The following MAP3K1 variants were observed in gnomAD, a reference collection of about 807,000 sequenced individuals.
The protein encoded by MAP3K1 is MAP/ERK kinase kinase 1.
In MAP3K1, 36 loss-of-function variants were observed where a neutral mutation model predicts 144.2. The observed-to-expected ratio is 0.25, with a 90% CI of 0.19 to 0.33. The LOEUF is 0.33. MAP3K1 is among the 10% of genes least tolerant of loss of function. The probability of loss-of-function intolerance (pLI) is 1.00; values close to 1 mark genes in which losing one functional copy is unlikely to be tolerated. For missense variants in MAP3K1, 1,650 were observed against 1,881.9 expected (o/e 0.88, Z 2.28); for synonymous variants, 718 against 688.7 (o/e 1.04, Z -0.67).
At chr5:56,833,310 T>A (rs1417082629) in intron 1 of MAP3K1, among the ~76,000 whole-genome samples, 1 of 152,242 alleles carries the variant, frequency 6.6e-6, no homozygotes, top group Non-Finnish European at 1.5e-5. Context: ...TGTTAATACA[T>A]ACATTTTTTT....
rs1288177952 is a variant in MAP3K1, at chr5:56,875,215, C to G, written c.1870C>G (p.Gln624Glu). The G allele has an allele frequency of 6.2e-7, 1 of 1,614,098 alleles. No individual in the cohort carries two copies. The highest frequency in any genetic ancestry group is 8.5e-7 in the Non-Finnish European group (1 of 1,179,992). The change falls in exon 10 of 20, where the codon CAG (glutamine) becomes GAG (glutamate). Residue 624 changes from glutamine to glutamate, a missense_variant. Physicochemically the swap from Gln to Glu is conservative, Grantham distance 29. Coordinates refer to ENST00000399503, the MANE Select transcript of MAP3K1 (RefSeq NM_005921.2). Reference sequence around the variant, plus strand: ...TGGGGGAGCCACCAGTGGGTCTTCCCAGACCAGTATCTCAGGAGATGTGGT... The same window carrying G: ...TGGGGGAGCCACCAGTGGGTCTTCCGAGACCAGTATCTCAGGAGATGTGGT... ...PSGGATSGSSQTSISGDVVEA... is the reference protein window; with the variant it reads ...PSGGATSGSSETSISGDVVEA...
Position 56,819,889 on chromosome 5 carries a change from G to C in MAP3K1, c.482+3834G>C, listed in dbSNP as rs913284798. Among the ~76,000 whole-genome samples the C allele has an allele frequency of 2.6e-5, 4 of 152,316 alleles. No homozygotes were observed. In the South Asian group the frequency reaches 8.3e-4, roughly 32 times the overall value. ...GTAGACTATTAATGTGAGGAAATGT[G>C]TAAGATTAGGAGTAACCCAAAGTTG... On this transcript the variant is annotated intron_variant, in intron 1 of 19. Transcript: ENST00000399503.
intron 3 of MAP3K1, among the ~76,000 whole-genome samples, chr5:56,861,909 C>G (rs961609418): frequency 1.3e-5 from 2 of 151,652 alleles, no homozygotes; most frequent in African/African-American, 4.9e-5. Context: ...TTTTTAAGAT[C>G]TGGAGTTATT....
chr5:56,883,875 G>A (rs572552178), intron 15 of MAP3K1, among the ~76,000 whole-genome samples, 196 bp downstream of exon 15: 2 of 152,278 alleles, frequency 1.3e-5, no homozygotes, highest in East Asian at 1.9e-4. Flanking sequence ...GAGGCCACGC[G>A]TGGTGGCTCA....
At position 56,859,659 on chromosome 5, in the gene MAP3K1, A is replaced by G. The variant is rs942562440; in HGVS notation, c.634-56A>G. 5 of 1,307,846 alleles carry G rather than the reference A, an allele frequency of 3.8e-6. No individual in the cohort carries two copies. The African/African-American group carries it at 7.4e-5, about 19-fold the overall frequency. 81.0% of individuals were successfully genotyped at this position (1,307,846 alleles called of 1,614,324 possible). A position where few individuals can be genotyped will look rare whatever the true frequency, so the allele number is the denominator to read the frequency against. On this transcript the variant is annotated intron_variant, in intron 2 of 19. Transcript: ENST00000399503. ...GTATTTCCTAGTCTATGATATTTACATTTACTTACCTTTTATATTTTTAAG... is the reference window on the plus strand; with the variant it reads ...GTATTTCCTAGTCTATGATATTTACGTTTACTTACCTTTTATATTTTTAAG...
At chr5:56,839,761 T>TG (rs1161424194) in intron 1 of MAP3K1, among the ~76,000 whole-genome samples, 2 of 152,204 alleles carry the variant, frequency 1.3e-5, no homozygotes, top group African/African-American at 4.8e-5. Flanking sequence ...GGACCCAGAC[T>TG]GAGAGAATGT....
intron 1 of MAP3K1, among the ~76,000 whole-genome samples, chr5:56,825,772 G>A (rs1284847369): frequency 6.6e-6 from 1 of 152,112 alleles, no homozygotes; most frequent in Admixed American, 6.5e-5. Context: ...TGCCATGACT[G>A]CTAACCCAGG....
chr5:56,816,200 C>T, intron 1 of MAP3K1, 145 bp downstream of exon 1: 2 of 855,764 alleles, frequency 2.3e-6, no homozygotes, highest in Non-Finnish European at 3.0e-6. Flanking sequence ...CCTGAGCACC[C>T]CCCGACCCCT....
intron 1 of MAP3K1, among the ~76,000 whole-genome samples, chr5:56,852,299 A>G (rs1747199707): frequency 6.6e-6 from 1 of 152,224 alleles, no homozygotes; most frequent in East Asian, 1.9e-4. Context: ...GAGTTAGCAC[A>G]ATCAACAGTG....
At chr5:56,854,420 T>TA in intron 1 of MAP3K1, among the ~76,000 whole-genome samples, 2 of 46,558 alleles carry the variant, frequency 4.3e-5, no homozygotes, top group Admixed American at 6.3e-4. Context: ...CAACAAGAGC[T>TA]AAACTCCATC....
chr5:56,847,362 C>G (rs1389575424), intron 1 of MAP3K1, among the ~76,000 whole-genome samples: 3 of 152,190 alleles, frequency 2.0e-5, no homozygotes, highest in Non-Finnish European at 4.4e-5. Flanking sequence ...TTCGGGAGGC[C>G]GAAGTGGGTG....
intron 6 of MAP3K1, among the ~76,000 whole-genome samples, chr5:56,869,911 G>A (rs1382170901): frequency 1.3e-5 from 2 of 152,056 alleles, no homozygotes; most frequent in Admixed American, 6.6e-5. Flanking sequence ...ATTAGGAAAA[G>A]AGATGGGCAG....
chr5:56,889,429 T>C (rs541164352), intron 19 of MAP3K1, among the ~76,000 whole-genome samples: 2 of 152,318 alleles, frequency 1.3e-5, no homozygotes, highest in Non-Finnish European at 2.9e-5. Context: ...CCCAAAGTAC[T>C]GGGATTACAG....
intron 1 of MAP3K1, among the ~76,000 whole-genome samples, chr5:56,830,204 C>T (rs1354218599): frequency 5.3e-5 from 8 of 152,064 alleles, no homozygotes; most frequent in East Asian, 1.9e-4. Flanking sequence ...CCCAGAATAC[C>T]GATAGATGTC....
chr5:56,843,296 C>T (rs1425671166), intron 1 of MAP3K1, among the ~76,000 whole-genome samples: 1 of 152,164 alleles, frequency 6.6e-6, no homozygotes, highest in Non-Finnish European at 1.5e-5. Context: ...CTGGCCATTG[C>T]CATCACCTCC....
chr5:56,893,195 G>A (rs947278399), intron 19 of MAP3K1, among the ~76,000 whole-genome samples: 8 of 152,056 alleles, frequency 5.3e-5, no homozygotes, highest in Non-Finnish European at 8.8e-5. Flanking sequence ...AAACCATCTC[G>A]GAGATTGAAT....
chr5:56,892,595 C>A (rs1229120134), intron 19 of MAP3K1, among the ~76,000 whole-genome samples: 5 of 152,056 alleles, frequency 3.3e-5, no homozygotes. Context: ...TCATAGCTAG[C>A]TAAATGATCA....
In MAP3K1 at chr5:56,835,413, A is replaced by G. The variant is rs370141573; in HGVS notation, c.482+19358A>G. On this transcript the variant is annotated intron_variant, in intron 1 of 19. Transcript: ENST00000399503. ...AAGAGGAGACAAGGAGGCAGGGAAG[A>G]GTTGACAGGAAGGCAGGGAAGAGGA... Among the ~76,000 whole-genome samples the G allele has an allele frequency of 5.2e-5, 6 of 114,526 alleles. No individual in the cohort carries two copies. The East Asian group carries it at 1.2e-3, about 23-fold the overall frequency. The allele number at this position is 114,526 out of a possible 152,430, so 75.1% of individuals were successfully genotyped here.
intron 1 of MAP3K1, among the ~76,000 whole-genome samples, chr5:56,835,830 G>A (rs772338466): frequency 1.4e-4 from 21 of 152,036 alleles, no homozygotes; most frequent in Non-Finnish European, 2.4e-4. Flanking sequence ...CAAGGAGATG[G>A]CGGCTTGGAG....
Sources: gnomAD v4.1 joint callset for allele counts (sites outside exome capture counted in the v4.1 genomes callset) on GRCh38, gnomAD v4.1.1 for gene constraint, MANE v1.5 for transcripts, NCBI Gene and HGNC (gene_info 2026-07-23, HGNC 2026-07-21) for gene names.